The following SARDH variants were observed in gnomAD, a reference collection of about 807,000 sequenced individuals.
The protein encoded by SARDH is sarcosine dehydrogenase, mitochondrial.
SARDH carries 95 observed loss-of-function variants against 109.1 expected under a neutral mutation model. The observed-to-expected ratio is 0.87, with a 90% confidence interval of 0.74 to 1.03. The LOEUF (loss-of-function observed/expected upper bound fraction) is 1.03, where lower values mean the gene tolerates loss of function less well. SARDH is among the 50% of genes least tolerant of loss of function. The pLI, the probability that SARDH is intolerant of heterozygous loss-of-function variation, is 0.00. For synonymous variants in SARDH, 572 were observed against 534.8 expected (o/e 1.07, Z -0.96); for missense variants, 1,267 against 1,287.8 (o/e 0.98, Z 0.25).
chr9:133,702,869 G>A (rs1289309884), intron 13 of SARDH, 47 bp downstream of exon 13: 3 of 1,568,524 alleles, frequency 1.9e-6, no homozygotes, highest in Non-Finnish European at 2.6e-6. Context: ...GCTTATCTGA[G>A]GGACAGGCAG....
rs749954005 is a variant in SARDH, at chr9:133,663,963, C to T, written c.2683G>A (p.Val895Met). ...AGGTGAGCCTGGGCACCATAGGTCA[C>T]CCCCATTCTCTCCAGGGCATAGTCC... ...SGDYALERMG[V>M]TYGAQAHLKS... Residue 895 changes from valine (V) to methionine (M), a missense_variant, in exon 21 of 21, where the codon GTG becomes ATG. By Grantham distance (21) the Val-to-Met change is conservative (BLOSUM62 1). Transcript: ENST00000439388. 3 of 1,614,178 alleles carry T rather than the reference C, an allele frequency of 1.9e-6. No individual in the cohort carries two copies. Among genetic ancestry groups the T allele is most frequent in the South Asian group, 2.2e-5 (2 of 91,082 alleles).
At chr9:133,725,845 C>T (rs2131488981) in intron 6 of SARDH, among the ~76,000 whole-genome samples, 1 of 152,290 alleles carries the variant, frequency 6.6e-6, no homozygotes, top group South Asian at 2.1e-4. Context: ...ACAGCCTTCT[C>T]TCAATCCCTC....
Position 133,718,511 on chromosome 9 carries a change from T to C in SARDH, c.1020+427A>G. On this transcript the variant is annotated intron_variant, in intron 7 of 20. Transcript: ENST00000439388. This position sits in a 1 kb window ranked among gnomAD's most constrained non-coding sequence, Gnocchi z 4.2. ...CCACTCAGTCGTTCCATGTGTGGAC[T>C]AAATGCATATACACATAGAACAGGG... 1.7e-6 allele frequency: 1 copy of C among 589,644 alleles called. No individual in the cohort carries two copies. Among genetic ancestry groups the C allele is most frequent in the Non-Finnish European group, 3.0e-6 (1 of 329,680 alleles). 36.5% of individuals were successfully genotyped at this position (589,644 alleles called of 1,614,324 possible). A position where few individuals can be genotyped will look rare whatever the true frequency, so the allele number is the denominator to read the frequency against.
intron 16 of SARDH, among the ~76,000 whole-genome samples, 155 bp from the exon 17 acceptor site, chr9:133,685,441 T>C (rs1830851520): frequency 6.6e-6 from 1 of 152,036 alleles, no homozygotes; most frequent in Admixed American, 6.6e-5. Flanking sequence ...CCAAGACAGA[T>C]GTACGTTCCA....
rs546942129 is a variant in SARDH at position 133,704,753 on chromosome 9, C to T, written c.1554+195G>A. Among the ~76,000 whole-genome samples the T allele has an allele frequency of 5.9e-5, 9 of 152,266 alleles. No homozygotes were observed. Among genetic ancestry groups the T allele is most frequent in the Admixed American group, 1.3e-4 (2 of 15,296 alleles). The stretch of plus-strand genomic sequence containing the variant: ...GGACGAGGAGTGGGAATTGCGTGAA[C>T]GGCACAAAGAATGCACTGAGCCTTG... On this transcript the variant is annotated intron_variant, in intron 12 of 20. Transcript: ENST00000439388. The surrounding 1 kb of genome is among the most constrained non-coding windows in gnomAD (Gnocchi z 4.5).
intron 19 of SARDH, among the ~76,000 whole-genome samples, chr9:133,670,160 C>A (rs780903449): frequency 2.2e-4 from 33 of 152,256 alleles, no homozygotes; most frequent in Non-Finnish European, 3.8e-4. Flanking sequence ...GAAACCCCAT[C>A]TCTACTAAAA....
chr9:133,685,980 G>A (rs1830871214), intron 16 of SARDH, among the ~76,000 whole-genome samples: 1 of 152,168 alleles, frequency 6.6e-6, no homozygotes, highest in Non-Finnish European at 1.5e-5. Flanking sequence ...GAGGTAGAGA[G>A]CTGGGCTTAG....
rs1832633284 is a variant in SARDH at position 133,730,321 on chromosome 9, A to T, written c.691-134T>A. The T allele has an allele frequency of 4.4e-6, 5 of 1,148,954 alleles. 1 individual carries two copies. Among genetic ancestry groups the T allele is most frequent in the Middle Eastern group, 4.1e-4 (2 of 4,898 alleles). 71.2% of individuals were successfully genotyped at this position (1,148,954 alleles called of 1,614,324 possible). ...CTGCCAGCAGCAGGTCCCCTGCGAC[A>T]CTGTCAGGGAAACCGGATGACCACA... On this transcript the variant is annotated intron_variant, in intron 4 of 20. Coordinates refer to ENST00000439388, the MANE Select transcript of SARDH (RefSeq NM_001134707.2).
chr9:133,721,573 T>C (rs758453158), intron 6 of SARDH, among the ~76,000 whole-genome samples: 1 of 152,130 alleles, frequency 6.6e-6, no homozygotes, highest in Admixed American at 6.5e-5. Flanking sequence ...CATGCAGCGG[T>C]CAGTCCAAAA....
chr9:133,682,796 G>T lies in SARDH; in HGVS notation c.2163+2397C>A, dbSNP rs1042068538. 3.3e-4 allele frequency among the ~76,000 whole-genome samples: 36 copies of T among 109,984 alleles called. 4 individuals are homozygous for T. The highest frequency in any genetic ancestry group is 1.5e-3 in the African/African-American group (32 of 20,738). The allele number at this position is 109,984 out of a possible 152,430, so 72.2% of individuals were successfully genotyped here. A position where few individuals can be genotyped will look rare whatever the true frequency, so the allele number is the denominator to read the frequency against. On this transcript the variant is annotated intron_variant, in intron 17 of 20. Transcript: ENST00000439388. Reference sequence around the variant, plus strand: ...CCACGCGCAGTGATGGTTGGAAACTGCTAGAAGCGAGGTCTGCACTCAGCC... The same window carrying T: ...CCACGCGCAGTGATGGTTGGAAACTTCTAGAAGCGAGGTCTGCACTCAGCC...
chr9:133,672,259 G>A (rs558067189), intron 17 of SARDH, among the ~76,000 whole-genome samples: 1 of 152,266 alleles, frequency 6.6e-6, no homozygotes, highest in Admixed American at 6.5e-5. Context: ...CTTGTCACTG[G>A]ACTTAGGACC....
Position 133,718,724 on chromosome 9 carries a change from G to A in SARDH, c.1020+214C>T. 1 of 779,876 alleles carries A rather than the reference G, an allele frequency of 1.3e-6. No individual in the cohort carries two copies. The highest frequency in any genetic ancestry group is 1.3e-5 in the South Asian group (1 of 74,622). The allele number at this position is 779,876 out of a possible 1,614,324, so 48.3% of individuals were successfully genotyped here. On this transcript the variant is annotated intron_variant, in intron 7 of 20. Transcript: ENST00000439388. The surrounding 1 kb of genome is among the most constrained non-coding windows in gnomAD (Gnocchi z 4.2). ...TTCTCTGTGGATGTTTTGAGGCAAA[G>A]CCCTCCAGCTGCCCTGGGTCTGTAT...
rs767278184 is a variant in SARDH at position 133,664,052 on chromosome 9, G to T, written c.2632-38C>A. ...GTGGGGATGAGGATCACTCTCTGTTGGTAGGTACAGGGCTCACGTCTGCCT... is the reference window on the plus strand; with the variant it reads ...GTGGGGATGAGGATCACTCTCTGTTTGTAGGTACAGGGCTCACGTCTGCCT... On this transcript the variant is annotated intron_variant, in intron 20 of 20. Coordinates refer to ENST00000439388, the MANE Select transcript of SARDH (RefSeq NM_001134707.2). 1.9e-6 allele frequency: 3 copies of T among 1,610,942 alleles called. No individual in the cohort carries two copies. The South Asian group carries it at 3.3e-5, about 18-fold the overall frequency.
intron 17 of SARDH, among the ~76,000 whole-genome samples, chr9:133,682,234 G>A (rs1362110249): frequency 1.3e-5 from 2 of 152,182 alleles, no homozygotes; most frequent in Admixed American, 6.5e-5. Flanking sequence ...ACGCAGCTGA[G>A]GGCGTTCCAA....
Position 133,712,778 on chromosome 9 carries a change from C to T in SARDH, c.1238-69G>A, listed in dbSNP as rs1432583397. ...TCCCCCACCCATGTCCAAACATGTG[C>T]CCCCATCTCCACGGACAGCACAGAC... On this transcript the variant is annotated intron_variant, in intron 9 of 20. Transcript: ENST00000439388. The surrounding 1 kb of genome is among the most constrained non-coding windows in gnomAD (Gnocchi z 4.1). 7 of 1,426,294 alleles carry T rather than the reference C, an allele frequency of 4.9e-6. No individual in the cohort carries two copies. In the Admixed American group the frequency reaches 1.0e-4, roughly 21 times the overall value. 88.4% of individuals were successfully genotyped at this position (1,426,294 alleles called of 1,614,324 possible).
At position 133,709,284 on chromosome 9, in the gene SARDH, G is replaced by A. The variant is rs565040811; in HGVS notation, c.1329-856C>T. ...CCTAGGCCTCTGCTGCCCCTGAGTGGGCAGAGCAATCAGTGCCCCGCGGCT... is the reference window on the plus strand; with the variant it reads ...CCTAGGCCTCTGCTGCCCCTGAGTGAGCAGAGCAATCAGTGCCCCGCGGCT... On this transcript the variant is annotated intron_variant, in intron 10 of 20. Coordinates refer to ENST00000439388, the MANE Select transcript of SARDH (RefSeq NM_001134707.2). This position sits in a 1 kb window ranked among gnomAD's most constrained non-coding sequence, Gnocchi z 4.2. 2.6e-5 allele frequency among the ~76,000 whole-genome samples: 4 copies of A among 152,268 alleles called. No individual in the cohort carries two copies. Among genetic ancestry groups the A allele is most frequent in the African/African-American group, 9.6e-5 (4 of 41,556 alleles).
At chr9:133,730,699 C>T (rs1832650944) in intron 4 of SARDH, among the ~76,000 whole-genome samples, 1 of 151,826 alleles carries the variant, frequency 6.6e-6, no homozygotes, top group Non-Finnish European at 1.5e-5. Flanking sequence ...TTCTACAGGC[C>T]GGGGGTGGTG....
Position 133,663,598 on chromosome 9 carries a change from T to G in SARDH, c.*291A>C. 1 of 426,646 alleles carries G rather than the reference T, an allele frequency of 2.3e-6. No individual in the cohort carries two copies. The allele number at this position is 426,646 out of a possible 1,614,324, so 26.4% of individuals were successfully genotyped here. ...CTTATCAAGTATTTACTAAGCACCTTCTAGAAGCTTGGAAAGGGCTACAAG... is the reference window on the plus strand; with the variant it reads ...CTTATCAAGTATTTACTAAGCACCTGCTAGAAGCTTGGAAAGGGCTACAAG... On this transcript the variant is annotated 3_prime_UTR_variant, in exon 21 of 21. Transcript: ENST00000439388.
chr9:133,725,528 C>T (rs1168714575), intron 6 of SARDH: 4 of 438,482 alleles, frequency 9.1e-6, no homozygotes, highest in Non-Finnish European at 1.4e-5. Flanking sequence ...AAAAAAAAAT[C>T]AGCCGGGTGT....
Sources: gnomAD v4.1 joint callset for allele counts (sites outside exome capture counted in the v4.1 genomes callset) on GRCh38, gnomAD v4.1.1 for gene constraint, Gnocchi (gnomAD v3.1) non-coding constraint, MANE v1.5 for transcripts, NCBI Gene and HGNC (gene_info 2026-07-23, HGNC 2026-07-21) for gene names.